The following RGS8 variants were observed in gnomAD, a reference collection of about 807,000 sequenced individuals.
RGS8 encodes the protein regulator of G-protein signaling 8.
Under a neutral mutation model 21.7 loss-of-function variants are expected in RGS8, and 8 were observed. The ratio of observed to expected loss-of-function variants is 0.37; its 90% CI spans 0.22 to 0.66. The LOEUF is 0.66. Among genes scored for constraint, RGS8 ranks in the 30% least tolerant of loss-of-function variants. RGS8 has a pLI of 0.59. For synonymous variants in RGS8, 80 were observed against 83.6 expected, an observed-to-expected ratio of 0.96 and a Z score of 0.24; for missense variants, 157 against 217.9, an observed-to-expected ratio of 0.72 and a Z score of 1.76.
At chr1:182,746,717 AGAG>A in the RGS8 span, among the ~76,000 whole-genome samples, 2 of 151,718 alleles carry the variant, frequency 1.3e-5, no homozygotes, top group African/African-American at 4.8e-5. Context: ...AGAGAGAGAG[AGAG>A]AAAGGGAGGG....
At chr1:182,748,214 T>G in the RGS8 span, among the ~76,000 whole-genome samples, 12,948 of 152,282 alleles carry the variant, frequency 0.085, 630 homozygotes, top group South Asian at 0.15. Flanking sequence ...AATTTATTCC[T>G]CTTGTCTAAC....
chr1:182,681,035 T>C (rs558402413), intron 1 of RGS8, among the ~76,000 whole-genome samples: 1 of 152,354 alleles, frequency 6.6e-6, no homozygotes, highest in Admixed American at 6.5e-5. Context: ...CCTGTGTTAC[T>C]GCAAGAATTC....
At chr1:182,726,670 C>CAA in the RGS8 span, among the ~76,000 whole-genome samples, 15 of 134,324 alleles carry the variant, frequency 1.1e-4, no homozygotes, top group Admixed American at 3.0e-4. Flanking sequence ...GACTCTGTCT[C>CAA]AAAAAAAAAA....
At chr1:182,722,702 C>T in the RGS8 span, among the ~76,000 whole-genome samples, 2 of 152,080 alleles carry the variant, frequency 1.3e-5, no homozygotes, top group East Asian at 1.9e-4. Flanking sequence ...TCAGGCCGGG[C>T]GTGGTGGCTC....
chr1:182,732,111 G>T, the RGS8 span, among the ~76,000 whole-genome samples: 1 of 152,138 alleles, frequency 6.6e-6, no homozygotes, highest in Non-Finnish European at 1.5e-5. Flanking sequence ...CTGACTGGGT[G>T]TTTTCCCAGA....
At chr1:182,679,809 G>A (rs1421373421) in intron 1 of RGS8, among the ~76,000 whole-genome samples, 2 of 151,388 alleles carry the variant, frequency 1.3e-5, no homozygotes, top group African/African-American at 2.4e-5. Context: ...CCCTCACCAC[G>A]CCCACCTCCC....
chr1:182,673,864 T>C (rs1056032138), upstream of RGS8, among the ~76,000 whole-genome samples: 1 of 152,228 alleles, frequency 6.6e-6, no homozygotes, highest in African/African-American at 2.4e-5. Flanking sequence ...GATATGTTTA[T>C]AGAATAAGGT....
the RGS8 span, among the ~76,000 whole-genome samples, chr1:182,737,081 G>C: frequency 6.6e-6 from 1 of 152,026 alleles, no homozygotes; most frequent in South Asian, 2.1e-4. Flanking sequence ...ATCTATTCTT[G>C]CCTCTTCCAG....
chr1:182,701,792 C>A, the RGS8 span, among the ~76,000 whole-genome samples: 1 of 152,180 alleles, frequency 6.6e-6, no homozygotes, highest in African/African-American at 2.4e-5. Flanking sequence ...TTCTTCACTG[C>A]TGGGGTTCTC....
At chr1:182,709,247 T>C in the RGS8 span, among the ~76,000 whole-genome samples, 1 of 152,140 alleles carries the variant, frequency 6.6e-6, no homozygotes, top group Non-Finnish European at 1.5e-5. Context: ...AGTTTTACAC[T>C]TTTCAGCCCT....
the RGS8 span, among the ~76,000 whole-genome samples, chr1:182,721,078 T>TAC: frequency 0.021 from 2,284 of 108,168 alleles, 139 homozygotes; most frequent in African/African-American, 0.035. Context: ...TATACATATA[T>TAC]ACACATATAT....
At chr1:182,646,986 C>G in intron 6 of RGS8, 69 bp from the exon 8 acceptor site, 1 of 1,310,390 alleles carries the variant, frequency 7.6e-7, no homozygotes. Context: ...CTGGCCCTAA[C>G]TATGCAATAA....
At chr1:182,661,671 T>G in intron 5 of RGS8, among the ~76,000 whole-genome samples, 1 of 152,090 alleles carries the variant, frequency 6.6e-6, no homozygotes, top group East Asian at 1.9e-4. Context: ...ATGAATCTTG[T>G]GAGAAATAAA....
the RGS8 span, among the ~76,000 whole-genome samples, chr1:182,709,620 T>A: frequency 6.6e-6 from 1 of 152,178 alleles, no homozygotes; most frequent in Non-Finnish European, 1.5e-5. Flanking sequence ...CACTGGGTGA[T>A]ACTATATCTC....
At chr1:182,735,880 T>G in the RGS8 span, among the ~76,000 whole-genome samples, 1 of 152,172 alleles carries the variant, frequency 6.6e-6, no homozygotes, top group East Asian at 1.9e-4. Flanking sequence ...GCAGGGCCTT[T>G]CTGCCCCCAA....
chr1:182,718,528 C>A, the RGS8 span, among the ~76,000 whole-genome samples: 319 of 152,312 alleles, frequency 2.1e-3, 3 homozygotes, highest in African/African-American at 7.5e-3. Context: ...AAGTGGACAT[C>A]TCTGGCATGG....
the RGS8 span, among the ~76,000 whole-genome samples, chr1:182,696,295 G>C: frequency 6.6e-6 from 1 of 152,106 alleles, no homozygotes; most frequent in Non-Finnish European, 1.5e-5. Context: ...CCTAGTCTCT[G>C]TCTAGCTTTT....
At chr1:182,725,562 G>A in the RGS8 span, among the ~76,000 whole-genome samples, 1 of 152,170 alleles carries the variant, frequency 6.6e-6, no homozygotes, top group Non-Finnish European at 1.5e-5. Flanking sequence ...TGATGGGCCA[G>A]AAATCCAAGA....
chr1:182,748,689 C>T, the RGS8 span, among the ~76,000 whole-genome samples: 3 of 152,168 alleles, frequency 2.0e-5, no homozygotes, highest in African/African-American at 7.2e-5. Context: ...TACTGTTTTT[C>T]ATAAGGGCTG....
Sources: allele counts gnomAD v4.1 joint callset (sites outside exome capture counted in the v4.1 genomes callset), GRCh38; gene constraint gnomAD v4.1.1; transcripts MANE v1.5; gene names NCBI Gene and HGNC (gene_info 2026-07-23, HGNC 2026-07-21).